CLASP2: variants seen among roughly 807,000 people sequenced by gnomAD.
CLASP2 encodes the protein cytoplasmic linker associated protein 2, also known as CLIP-associating protein 2.
A neutral mutation model predicts 194.4 loss-of-function variants in CLASP2; 47 were observed. That is an observed-to-expected ratio of 0.24 (90% confidence interval 0.19 to 0.31). CLASP2 has a LOEUF of 0.31. Ranked by LOEUF, CLASP2 falls within the 10% of genes least tolerant of loss-of-function variation. The probability of loss-of-function intolerance (pLI) is 1.00; values close to 1 mark genes in which losing one functional copy is unlikely to be tolerated. For missense variants in CLASP2, 1,445 were observed against 1,823.6 expected (o/e 0.79, Z 3.78); for synonymous variants, 619 against 633.5 (o/e 0.98, Z 0.34).
chr3:33,511,743 G>GA (rs2049904229), intron 36 of CLASP2, among the ~76,000 whole-genome samples: 1 of 66,120 alleles, frequency 1.5e-5, no homozygotes. Context: ...AAAAGTGGGC[G>GA]AAGGACATGA....
chr3:33,684,230 A>G (rs1330310467), intron 6 of CLASP2, 129 bp downstream of exon 6: 3 of 485,234 alleles, frequency 6.2e-6, no homozygotes, highest in Non-Finnish European at 7.0e-6. Flanking sequence ...GGGCAACAAG[A>G]GCAAGACTCC....
chr3:33,609,935 T>G (rs2074758173), intron 13 of CLASP2, among the ~76,000 whole-genome samples: 1 of 152,222 alleles, frequency 6.6e-6, no homozygotes, highest in East Asian at 1.9e-4. Flanking sequence ...GTGATGGAGT[T>G]AAACTTAAAC....
chr3:33,628,449 T>C (rs376289939), intron 9 of CLASP2, among the ~76,000 whole-genome samples: 2 of 152,158 alleles, frequency 1.3e-5, no homozygotes, highest in East Asian at 3.8e-4. Flanking sequence ...AGGGGGTACA[T>C]AATTCTTCAA....
chr3:33,673,548 A>C (rs1195726937), intron 6 of CLASP2, among the ~76,000 whole-genome samples: 4 of 151,476 alleles, frequency 2.6e-5, no homozygotes, highest in African/African-American at 7.3e-5. Context: ...CGAGCAAAAT[A>C]ACCAGCTAAC....
In CLASP2 at chr3:33,711,596, A is replaced by G. The variant is rs753104166; in HGVS notation, c.195+6212T>C. Among the ~76,000 whole-genome samples, 62 of 152,076 alleles carry G rather than the reference A, an allele frequency of 4.1e-4. 1 individual carries two copies. Among genetic ancestry groups the G allele is most frequent in the Non-Finnish European group, 5.9e-5 (4 of 67,976 alleles). Reference sequence around the variant, plus strand: ...TTTATCAAATAAGGACCATAAAACAAGAATGAAGACAGAAAATAGAATTAA... The same window carrying G: ...TTTATCAAATAAGGACCATAAAACAGGAATGAAGACAGAAAATAGAATTAA... On this transcript the variant is annotated intron_variant, in intron 1 of 38. Transcript: ENST00000682230.
intron 38 of CLASP2, among the ~76,000 whole-genome samples, chr3:33,499,269 TG>T (rs2046285166): frequency 6.6e-6 from 1 of 152,124 alleles, no homozygotes; most frequent in Non-Finnish European, 1.5e-5. Flanking sequence ...CTGCCATGAT[TG>T]TAAGTTTCCT....
intron 8 of CLASP2, among the ~76,000 whole-genome samples, chr3:33,636,556 T>C (rs1575105868): frequency 6.6e-6 from 1 of 152,102 alleles, no homozygotes; most frequent in East Asian, 1.9e-4. Context: ...TCTGAATATA[T>C]ATAGAAGATA....
chr3:33,547,488 T>C (rs565078776), intron 30 of CLASP2, among the ~76,000 whole-genome samples: 11 of 152,312 alleles, frequency 7.2e-5, no homozygotes, highest in African/African-American at 2.4e-4. Flanking sequence ...ACTAATACAG[T>C]CATGGTATAT....
chr3:33,713,003 A>C (rs1329470924), intron 1 of CLASP2, among the ~76,000 whole-genome samples: 1 of 129,896 alleles, frequency 7.7e-6, no homozygotes. Context: ...CAAGAGCAAA[A>C]CTCCACCTCA....
At chr3:33,608,851 C>A (rs371202969) in intron 13 of CLASP2, among the ~76,000 whole-genome samples, 2 of 145,640 alleles carry the variant, frequency 1.4e-5, no homozygotes, top group East Asian at 4.1e-4. Context: ...CTCCCGGGTT[C>A]AAGTGATTCT....
intron 37 of CLASP2, 144 bp from the exon 38 acceptor site, chr3:33,501,912 C>T (rs970553750): frequency 3.3e-6 from 2 of 608,540 alleles, no homozygotes; most frequent in Non-Finnish European, 5.9e-6. Flanking sequence ...AACTTTTTAA[C>T]CTTTTCAAGC....
intron 30 of CLASP2, among the ~76,000 whole-genome samples, chr3:33,550,934 T>C (rs1400005337): frequency 3.9e-5 from 6 of 152,178 alleles, no homozygotes; most frequent in Non-Finnish European, 5.9e-5. Flanking sequence ...AGTCTAAAAA[T>C]TGATAAATCA....
intron 30 of CLASP2, 74 bp downstream of exon 30, chr3:33,551,178 C>A: frequency 7.6e-7 from 1 of 1,317,002 alleles, no homozygotes; most frequent in Non-Finnish European, 1.0e-6. Flanking sequence ...AAAATATTAG[C>A]TTCCTTCACT....
At chr3:33,544,416 G>T (rs1265974045) in intron 31 of CLASP2, among the ~76,000 whole-genome samples, 1 of 152,004 alleles carries the variant, frequency 6.6e-6, no homozygotes, top group African/African-American at 2.4e-5. Context: ...CTTCCAGCTG[G>T]TGCTCTCATC....
intron 23 of CLASP2, 175 bp from the exon 24 acceptor site, chr3:33,576,450 A>G (rs771478187): frequency 1.7e-4 from 96 of 555,118 alleles, no homozygotes; most frequent in Non-Finnish European, 3.0e-4. Context: ...TAAAAGGGTA[A>G]AGACAATTAA....
intron 21 of CLASP2, among the ~76,000 whole-genome samples, chr3:33,590,356 T>C (rs546666052): frequency 6.6e-6 from 1 of 152,256 alleles, no homozygotes; most frequent in African/African-American, 2.4e-5. Flanking sequence ...TCTCAAGACT[T>C]AACTGTGATA....
At chr3:33,674,847 T>A (rs906305823) in intron 6 of CLASP2, among the ~76,000 whole-genome samples, 2 of 152,048 alleles carry the variant, frequency 1.3e-5, no homozygotes, top group African/African-American at 4.8e-5. Context: ...AAGAAATGGA[T>A]AAATTCCTGG....
chr3:33,570,850 T>A, intron 25 of CLASP2, 60 bp from the exon 26 acceptor site: 1 of 1,320,728 alleles, frequency 7.6e-7, no homozygotes, highest in Non-Finnish European at 1.0e-6. Flanking sequence ...CATGTAAAAG[T>A]AACTTTACAT....
chr3:33,566,807 G>A (rs2062820416), intron 26 of CLASP2, 73 bp from the exon 27 acceptor site: 1 of 418,620 alleles, frequency 2.4e-6, no homozygotes. Context: ...ACACAAATTA[G>A]TCGCCATCAA....
Sources: allele counts gnomAD v4.1 joint callset (sites outside exome capture counted in the v4.1 genomes callset), GRCh38; gene constraint gnomAD v4.1.1; transcripts MANE v1.5; gene names NCBI Gene and HGNC (gene_info 2026-07-23, HGNC 2026-07-21).